DTD1: variants seen among roughly 807,000 people sequenced by gnomAD.
DTD1 encodes the protein D-tyrosyl-tRNA deacylase 1 homolog.
A neutral mutation model predicts 25.6 loss-of-function variants in DTD1; 13 were observed. The observed-to-expected ratio is 0.51, with a 90% CI of 0.33 to 0.81. DTD1 has a LOEUF of 0.81. DTD1 is among the 30% of genes least tolerant of loss of function. The pLI is 0.02. For missense variants in DTD1, 193 were observed against 266.4 expected (o/e 0.72, Z 1.92); for synonymous variants, 110 against 103.6 (o/e 1.06, Z -0.37).
intron 3 of DTD1, among the ~76,000 whole-genome samples, chr20:18,625,107 C>A (rs752414844): frequency 6.6e-6 from 1 of 152,208 alleles, no homozygotes; most frequent in Admixed American, 6.5e-5. Context: ...GATACCACCT[C>A]TGCGCTGTTG....
intron 4 of DTD1, among the ~76,000 whole-genome samples, chr20:18,652,312 G>C (rs951851556): frequency 6.6e-6 from 1 of 152,136 alleles, no homozygotes; most frequent in Non-Finnish European, 1.5e-5. Flanking sequence ...ATTTTCTAAA[G>C]CAATAAAAGA....
In DTD1 at chr20:18,688,643, G is replaced by A. The variant is rs1012514605; in HGVS notation, c.478-55457G>A. 4.6e-5 allele frequency among the ~76,000 whole-genome samples: 7 copies of A among 151,984 alleles called. No individual in the cohort carries two copies. In the East Asian group the frequency reaches 9.6e-4, roughly 21 times the overall value. ...TTGGATATCTGGAAGGTCCCTTGCC[G>A]GGAACGACCCATCTTTCTATACTAG... On this transcript the variant is annotated intron_variant, in intron 4 of 5. Coordinates refer to ENST00000377452, the MANE Select transcript of DTD1 (RefSeq NM_080820.6).
intron 4 of DTD1, among the ~76,000 whole-genome samples, chr20:18,640,069 G>A (rs1037140260): frequency 3.5e-5 from 5 of 143,206 alleles, no homozygotes; most frequent in African/African-American, 1.3e-4. Flanking sequence ...TTTTTTTTAA[G>A]TTTCATGTTG....
At chr20:18,744,057 G>A in intron 4 of DTD1, 43 bp from the exon 5 acceptor site, 24 of 1,539,538 alleles carry the variant, frequency 1.6e-5, no homozygotes, top group Non-Finnish European at 2.0e-5. Flanking sequence ...ACAGGCATGT[G>A]TTTGTGTTTG....
intron 4 of DTD1, among the ~76,000 whole-genome samples, chr20:18,693,048 G>A (rs570147755): frequency 1.3e-5 from 2 of 151,890 alleles, no homozygotes; most frequent in East Asian, 3.9e-4. Flanking sequence ...GTGTCACCAC[G>A]CCTGGCTAAT....
At chr20:18,706,392 T>C (rs1355100381) in intron 4 of DTD1, among the ~76,000 whole-genome samples, 3 of 152,226 alleles carry the variant, frequency 2.0e-5, no homozygotes, top group African/African-American at 7.2e-5. Context: ...ATAAATAAAA[T>C]ATCATCTCTT....
chr20:18,703,588 T>G (rs1432226441), intron 4 of DTD1, among the ~76,000 whole-genome samples: 1 of 152,126 alleles, frequency 6.6e-6, no homozygotes, highest in Non-Finnish European at 1.5e-5. Context: ...TCCATTTGTT[T>G]TTTTAACCCC....
chr20:18,758,295 A>C (rs1437212496), intron 5 of DTD1, among the ~76,000 whole-genome samples: 1 of 151,636 alleles, frequency 6.6e-6, no homozygotes, highest in Non-Finnish European at 1.5e-5. Context: ...GATCTTAGTT[A>C]TTTCTTGCCT....
At chr20:18,742,305 A>G (rs542027290) in intron 4 of DTD1, among the ~76,000 whole-genome samples, 1 of 152,174 alleles carries the variant, frequency 6.6e-6, no homozygotes, top group Non-Finnish European at 1.5e-5. Flanking sequence ...TTAGTATATT[A>G]ACCAAACTTA....
chr20:18,622,635 A>G (rs1343652619), intron 3 of DTD1, among the ~76,000 whole-genome samples: 2 of 152,196 alleles, frequency 1.3e-5, no homozygotes, highest in Non-Finnish European at 2.9e-5. Flanking sequence ...GAATTTTTGC[A>G]TCTGTATTCA....
At chr20:18,620,200 G>C (rs567410184) in intron 3 of DTD1, 2 of 152,210 alleles carry the variant, frequency 1.3e-5, no homozygotes, top group South Asian at 4.1e-4. Context: ...TTTTAAATCA[G>C]CTTATTTACT....
intron 4 of DTD1, among the ~76,000 whole-genome samples, chr20:18,708,320 T>TTA (rs55797344): frequency 7.4e-5 from 3 of 40,730 alleles, no homozygotes; most frequent in African/African-American, 1.7e-4. Context: ...TATATATATA[T>TTA]TATATATATA....
intron 4 of DTD1, among the ~76,000 whole-genome samples, chr20:18,717,199 G>A (rs1306414151): frequency 1.3e-5 from 2 of 152,188 alleles, no homozygotes. Flanking sequence ...GACTGCTCAC[G>A]GGAGATAATT....
chr20:18,672,017 T>A (rs967810772), intron 4 of DTD1, among the ~76,000 whole-genome samples: 6 of 152,170 alleles, frequency 3.9e-5, no homozygotes, highest in African/African-American at 1.4e-4. Flanking sequence ...GAGGATCACT[T>A]GAGCTCAGGA....
chr20:18,724,841 C>T (rs1040613496), intron 4 of DTD1, among the ~76,000 whole-genome samples: 9 of 152,218 alleles, frequency 5.9e-5, no homozygotes, highest in African/African-American at 1.4e-4. Context: ...GAGAGGAAAT[C>T]CACAAGCTGT....
rs2060591928 is a variant in DTD1, at chr20:18,592,126, T to C, written c.44-1605T>C. ...GTGTATTGTAACATGACATAGTCTA[T>C]GTTACTGTGTTAGTTATATTTATAG... On this transcript the variant is annotated intron_variant, in intron 1 of 5. Transcript: ENST00000377452. Among the ~76,000 whole-genome samples, 3 of 152,216 alleles carry C rather than the reference T, an allele frequency of 2.0e-5. No individual in the cohort carries two copies. The South Asian group carries it at 6.2e-4, about 32-fold the overall frequency.
At position 18,675,541 on chromosome 20, in the gene DTD1, G is replaced by A. The variant is rs576420780; in HGVS notation, c.477+47308G>A. 9.2e-5 allele frequency: 14 copies of A among 152,132 alleles called. No homozygotes were observed. The East Asian group carries it at 2.5e-3, about 27-fold the overall frequency. 9.4% of individuals were successfully genotyped at this position (152,132 alleles called of 1,614,324 possible). On this transcript the variant is annotated intron_variant, in intron 4 of 5. Coordinates refer to ENST00000377452, the MANE Select transcript of DTD1 (RefSeq NM_080820.6). ...TGCCTGGGCATAATAGAGGAAAGCT[G>A]TATCCTTGCCAAATGTCTCGGGGAA...
chr20:18,632,469 T>G (rs1439955568), intron 4 of DTD1: 9 of 985,492 alleles, frequency 9.1e-6, no homozygotes, highest in Non-Finnish European at 1.1e-5. Flanking sequence ...CTGCCTTTTC[T>G]TCTGAATTAG....
chr20:18,756,343 C>T (rs953996497), intron 5 of DTD1, among the ~76,000 whole-genome samples: 1 of 152,114 alleles, frequency 6.6e-6, no homozygotes, highest in Non-Finnish European at 1.5e-5. Context: ...GAAGTCCTTG[C>T]CCATGCCTAT....
Sources: gnomAD v4.1 joint callset for allele counts (sites outside exome capture counted in the v4.1 genomes callset) on GRCh38, gnomAD v4.1.1 for gene constraint, MANE v1.5 for transcripts, NCBI Gene and HGNC (gene_info 2026-07-23, HGNC 2026-07-21) for gene names.